Variants in SNX18 observed in about 807,000 individuals in gnomAD.
The protein encoded by SNX18 is sorting nexin 18.
In SNX18, 35 loss-of-function variants were observed where a neutral mutation model predicts 48.7. The ratio of observed to expected loss-of-function variants is 0.72; its 90% CI spans 0.55 to 0.95. The LOEUF (loss-of-function observed/expected upper bound fraction) is 0.95. Ranked by LOEUF, SNX18 falls within the 40% of genes least tolerant of loss-of-function variation. The pLI is 0.00. For missense variants in SNX18, 824 were observed against 871.0 expected, an observed-to-expected ratio of 0.95 and a Z score of 0.68; for synonymous variants, 492 against 384.7, an observed-to-expected ratio of 1.28 and a Z score of -3.26.
chr5:54,527,115 C>G (rs1762146161), intron 1 of SNX18, among the ~76,000 whole-genome samples: 1 of 151,904 alleles, frequency 6.6e-6, no homozygotes, highest in South Asian at 2.1e-4. Flanking sequence ...CTTTGCAGGT[C>G]ACTGTTAGGA....
the SNX18 span, among the ~76,000 whole-genome samples, chr5:54,583,529 C>A: frequency 6.6e-6 from 1 of 152,202 alleles, no homozygotes; most frequent in Non-Finnish European, 1.5e-5. Context: ...TGGTTAAGAA[C>A]AAAGGCCTTG....
chr5:54,576,679 T>C, the SNX18 span, among the ~76,000 whole-genome samples: 2,540 of 152,344 alleles, frequency 0.017, 83 homozygotes, highest in African/African-American at 0.059. Context: ...CTTCAAGGCA[T>C]GGCTGAATGT....
the SNX18 span, among the ~76,000 whole-genome samples, chr5:54,596,156 T>G: frequency 6.6e-6 from 1 of 152,220 alleles, no homozygotes; most frequent in African/African-American, 2.4e-5. Flanking sequence ...TTCCAGAGTC[T>G]TGGTCTTCCC....
At chr5:54,540,725 A>C (rs1762452609) in intron 1 of SNX18, among the ~76,000 whole-genome samples, 1 of 152,198 alleles carries the variant, frequency 6.6e-6, no homozygotes. Context: ...TAGTAATTAG[A>C]GCAAGTAATA....
At chr5:54,599,494 A>G in the SNX18 span, among the ~76,000 whole-genome samples, 5 of 152,290 alleles carry the variant, frequency 3.3e-5, no homozygotes, top group African/African-American at 1.2e-4. Context: ...TAAAATTTAT[A>G]TGGAACCAAA....
At chr5:54,539,167 G>C (rs1339314912) in intron 1 of SNX18, among the ~76,000 whole-genome samples, 1 of 152,120 alleles carries the variant, frequency 6.6e-6, no homozygotes, top group Non-Finnish European at 1.5e-5. Context: ...GGGAGTACAG[G>C]TGTGCGTCAC....
chr5:54,626,594 A>G, the SNX18 span, among the ~76,000 whole-genome samples: 1,008 of 152,362 alleles, frequency 6.6e-3, 33 homozygotes, highest in East Asian at 0.084. Context: ...TTTACCAGAA[A>G]TTAGTGTTTC....
chr5:54,553,404 G>A, the SNX18 span, among the ~76,000 whole-genome samples: 2 of 152,098 alleles, frequency 1.3e-5, no homozygotes, highest in Non-Finnish European at 2.9e-5. Context: ...TCGGGGAGCT[G>A]ATGGCCACCA....
At chr5:54,528,018 A>G (rs1371804666) in intron 1 of SNX18, among the ~76,000 whole-genome samples, 1 of 152,100 alleles carries the variant, frequency 6.6e-6, no homozygotes, top group Non-Finnish European at 1.5e-5. Flanking sequence ...TACATAATTC[A>G]TTGGGGAGGG....
At chr5:54,556,491 G>A in the SNX18 span, among the ~76,000 whole-genome samples, 1 of 152,118 alleles carries the variant, frequency 6.6e-6, no homozygotes. Context: ...CACATTTAAA[G>A]CACTCTTGGG....
the SNX18 span, among the ~76,000 whole-genome samples, chr5:54,633,798 T>A: frequency 6.6e-6 from 1 of 152,244 alleles, no homozygotes; most frequent in African/African-American, 2.4e-5. Context: ...CTTTGTGTGC[T>A]GGGATAGTAA....
At chr5:54,615,310 C>T in the SNX18 span, among the ~76,000 whole-genome samples, 1 of 152,204 alleles carries the variant, frequency 6.6e-6, no homozygotes, top group Non-Finnish European at 1.5e-5. Context: ...CCTGTCTCCT[C>T]TCTCACATGC....
At chr5:54,630,090 A>C in the SNX18 span, among the ~76,000 whole-genome samples, 1 of 152,198 alleles carries the variant, frequency 6.6e-6, no homozygotes, top group East Asian at 1.9e-4. Context: ...CCCATTGTCT[A>C]TACAACACCT....
intron 1 of SNX18, among the ~76,000 whole-genome samples, chr5:54,522,253 G>A (rs1037941967): frequency 7.9e-5 from 12 of 152,274 alleles, no homozygotes; most frequent in East Asian, 1.9e-4. Context: ...CTTTCTGAGC[G>A]TATTCAGGAC....
At chr5:54,618,050 C>G in the SNX18 span, among the ~76,000 whole-genome samples, 1 of 152,162 alleles carries the variant, frequency 6.6e-6, no homozygotes, top group Non-Finnish European at 1.5e-5. Context: ...TTTCCATAAT[C>G]CCCACATGTC....
chr5:54,559,101 A>C, the SNX18 span, among the ~76,000 whole-genome samples: 1 of 152,236 alleles, frequency 6.6e-6, no homozygotes, highest in Admixed American at 6.5e-5. Context: ...AAAACATTCC[A>C]TGCTCATGGA....
At chr5:54,540,607 A>C (rs150212750) in intron 1 of SNX18, among the ~76,000 whole-genome samples, 2 of 152,346 alleles carry the variant, frequency 1.3e-5, no homozygotes, top group East Asian at 3.9e-4. Flanking sequence ...TGGTGAACTA[A>C]TTTGGAGTTT....
the SNX18 span, among the ~76,000 whole-genome samples, chr5:54,577,196 C>T: frequency 6.6e-6 from 1 of 152,100 alleles, no homozygotes; most frequent in South Asian, 2.1e-4. Context: ...GCCATGACAC[C>T]TTGGCAAGTC....
the SNX18 span, among the ~76,000 whole-genome samples, chr5:54,638,546 C>T: frequency 6.6e-6 from 1 of 152,026 alleles, no homozygotes; most frequent in Non-Finnish European, 1.5e-5. Flanking sequence ...GGCTTGGTAT[C>T]TTCTTTGTTG....
Sources: gnomAD v4.1 joint callset for allele counts (sites outside exome capture counted in the v4.1 genomes callset) on GRCh38, gnomAD v4.1.1 for gene constraint, MANE v1.5 for transcripts, NCBI Gene and HGNC (gene_info 2026-07-23, HGNC 2026-07-21) for gene names.